TUBE1: variants seen among roughly 807,000 people sequenced by gnomAD.
TUBE1 encodes the protein tubulin epsilon chain.
TUBE1 carries 34 observed loss-of-function variants against 53.5 expected under a neutral mutation model. That is an observed-to-expected ratio of 0.64 (90% confidence interval 0.48 to 0.85). The LOEUF (loss-of-function observed/expected upper bound fraction) is 0.85, where lower values mean the gene tolerates loss of function less well. TUBE1 is among the 40% of genes least tolerant of loss of function. The probability of loss-of-function intolerance (pLI) is 0.00; values close to 1 mark genes in which losing one functional copy is unlikely to be tolerated. For synonymous variants in TUBE1, 177 were observed against 198.4 expected, an observed-to-expected ratio of 0.89 and a Z score of 0.91; for missense variants, 532 against 570.5, an observed-to-expected ratio of 0.93 and a Z score of 0.69.
rs782104132 is a variant in TUBE1, at chr6:112,076,382, G to A, written c.576C>T (p.Ser192=). The change falls in exon 7 of 12, where the codon AGC becomes AGT. Residue 192 remains serine, a synonymous_variant. Transcript: ENST00000368662. ...CATTAAGTTCCTTCATTGCCAAGAT[G>A]CTATTATAAGGTGAGGTTATGACAT... The part of the protein sequence containing the change: ...EDDVITSPYN[S]ILAMKELNEH... 26 of 1,609,738 alleles carry A rather than the reference G, an allele frequency of 1.6e-5. No individual in the cohort carries two copies. Among genetic ancestry groups the A allele is most frequent in the South Asian group, 2.2e-5 (2 of 90,134 alleles).
chr6:112,080,651 A>G (rs968845323), intron 5 of TUBE1, among the ~76,000 whole-genome samples: 1 of 152,118 alleles, frequency 6.6e-6, no homozygotes, highest in Non-Finnish European at 1.5e-5. Context: ...TTTTCACAGT[A>G]AAGAGAAGAG....
chr6:112,075,453 T>C (rs1554315906), intron 8 of TUBE1: 1 of 152,412 alleles, frequency 6.6e-6, no homozygotes. Context: ...AACTTTATAT[T>C]TGAGTTAAAC....
chr6:112,078,819 G>T (rs1307396058), intron 6 of TUBE1: 1 of 151,968 alleles, frequency 6.6e-6, no homozygotes, highest in Non-Finnish European at 1.5e-5. Flanking sequence ...TGGTTACACA[G>T]CAATTTTAAC....
chr6:112,082,460 G>A (rs1410449549), intron 4 of TUBE1, among the ~76,000 whole-genome samples: 1 of 152,138 alleles, frequency 6.6e-6, no homozygotes, highest in Non-Finnish European at 1.5e-5. Flanking sequence ...GAGGTATGTG[G>A]AAGATTAAAC....
At chr6:112,073,589 G>A (rs1344266946) in intron 9 of TUBE1, among the ~76,000 whole-genome samples, 2 of 152,092 alleles carry the variant, frequency 1.3e-5, no homozygotes, top group Non-Finnish European at 2.9e-5. Flanking sequence ...AGCTTGTTAA[G>A]GTCATCAGCA....
At chr6:112,076,182 A>C (rs1348003586) in intron 7 of TUBE1, 70 bp from the exon 8 acceptor site, 2 of 1,499,468 alleles carry the variant, frequency 1.3e-6, no homozygotes, top group African/African-American at 2.8e-5. Flanking sequence ...CTACTAGGAA[A>C]GAGAAAGAAA....
At chr6:112,074,636 A>G (rs587727727) in intron 9 of TUBE1, 74 bp downstream of exon 9, 13 of 1,222,176 alleles carry the variant, frequency 1.1e-5, no homozygotes, top group Non-Finnish European at 3.2e-6. Context: ...GAGTTATTGC[A>G]AACTTTTTTC....
At chr6:112,079,822 A>G in intron 5 of TUBE1, 68 bp from the exon 6 acceptor site, 2 of 1,447,256 alleles carry the variant, frequency 1.4e-6, no homozygotes, top group Non-Finnish European at 1.9e-6. Flanking sequence ...GTTCTAATCT[A>G]AATAAAAGGA....
At chr6:112,071,816 C>T (rs1267980677) in intron 11 of TUBE1, 86 bp downstream of exon 11, 9 of 1,307,462 alleles carry the variant, frequency 6.9e-6, no homozygotes, top group Admixed American at 2.5e-5. Flanking sequence ...AAACATCACC[C>T]CTGATTTGTA....
chr6:112,076,732 G>C, intron 6 of TUBE1: 1 of 349,836 alleles, frequency 2.9e-6, no homozygotes, highest in East Asian at 4.9e-5. Flanking sequence ...ACCACGCCTG[G>C]CTAACTTTTT....
chr6:112,085,369 AAC>A (rs2114493562), intron 3 of TUBE1: 1 of 171,882 alleles, frequency 5.8e-6, no homozygotes, highest in East Asian at 1.6e-4. Flanking sequence ...TAAAGTATAA[AAC>A]ACACAGAGTA....
intron 3 of TUBE1, 100 bp downstream of exon 3, chr6:112,086,456 A>G: frequency 1.3e-6 from 1 of 764,374 alleles, no homozygotes; most frequent in South Asian, 2.2e-5. Context: ...AAAAAAACAC[A>G]ACTTCGCAGC....
chr6:112,087,132 A>C (rs1167260179), intron 2 of TUBE1, 101 bp downstream of exon 2: 1 of 1,007,656 alleles, frequency 9.9e-7, no homozygotes, highest in Non-Finnish European at 1.5e-6. Context: ...GATCCCATGC[A>C]TCTTAAACGG....
Position 112,072,829 on chromosome 6 carries a change from A to T in TUBE1, c.1023T>A (p.Ser341Arg). Residue 341 changes from serine to arginine, a missense_variant, in exon 10 of 12, where the codon AGT (serine) becomes AGA (arginine). Transcript: ENST00000368662. ...HQLLRADPKH[S>R]LYLACALMVR... ...CCATGAGTGCACAGGCGAGGTAAAG[A>T]CTGTGTTTGGGGTCTGCCCGAAGCA... 1.2e-6 allele frequency: 2 copies of T among 1,613,690 alleles called. No individual in the cohort carries two copies. Among genetic ancestry groups the T allele is most frequent in the East Asian group, 2.2e-5 (1 of 44,882 alleles).
chr6:112,080,548 T>C (rs1208677555), intron 5 of TUBE1, among the ~76,000 whole-genome samples: 8 of 152,070 alleles, frequency 5.3e-5, no homozygotes, highest in Admixed American at 5.2e-4. Context: ...GTGAAAATAA[T>C]GAATATGAGA....
intron 3 of TUBE1, among the ~76,000 whole-genome samples, chr6:112,084,692 T>C (rs116648231): frequency 7.2e-5 from 11 of 152,358 alleles, no homozygotes; most frequent in Non-Finnish European, 1.2e-4. Flanking sequence ...ATTAGATCTT[T>C]GAGGCATTCC....
chr6:112,081,900 C>T (rs1777077351), intron 4 of TUBE1, among the ~76,000 whole-genome samples: 1 of 151,640 alleles, frequency 6.6e-6, no homozygotes, highest in Non-Finnish European at 1.5e-5. Flanking sequence ...CTCCCACTTC[C>T]CTTACTTTCC....
chr6:112,071,575 A>C lies in TUBE1; in HGVS notation c.1270-5T>G. ...TAGATAGTGATGAAGGTGAGCCTAT[A>C]AATTAAAAAATTAGGTAACGTTTAC... is the stretch of plus-strand genomic sequence containing the variant. On this transcript the variant is annotated splice_polypyrimidine_tract_variant and splice_region_variant and intron_variant, in intron 11 of 11. Coordinates refer to ENST00000368662, the MANE Select transcript of TUBE1 (RefSeq NM_016262.5). The C allele has an allele frequency of 1.3e-6, 2 of 1,589,166 alleles. No individual in the cohort carries two copies. The highest frequency in any genetic ancestry group is 1.7e-6 in the Non-Finnish European group (2 of 1,164,892).
chr6:112,079,906 C>A, intron 5 of TUBE1, 152 bp from the exon 6 acceptor site: 1 of 723,190 alleles, frequency 1.4e-6, no homozygotes, highest in Non-Finnish European at 2.2e-6. Context: ...ATAAATCATA[C>A]AATATCCTGA....
Sources: gnomAD v4.1 joint callset for allele counts (sites outside exome capture counted in the v4.1 genomes callset) on GRCh38, gnomAD v4.1.1 for gene constraint, MANE v1.5 for transcripts, NCBI Gene and HGNC (gene_info 2026-07-23, HGNC 2026-07-21) for gene names.